ZSCAN5A: variants seen among roughly 807,000 people sequenced by gnomAD.
ZSCAN5A encodes zinc finger and SCAN domain containing 5A, also known as zinc finger and SCAN domain-containing protein 5A.
In ZSCAN5A, 12 loss-of-function variants were observed where a neutral mutation model predicts 23.7. That is an observed-to-expected ratio of 0.51 (90% CI 0.32 to 0.82). ZSCAN5A has a LOEUF of 0.82. Among genes scored for constraint, ZSCAN5A ranks in the 40% least tolerant of loss-of-function variants. The pLI is 0.03. For synonymous variants in ZSCAN5A, 257 were observed against 239.9 expected (o/e 1.07, Z -0.66); for missense variants, 597 against 617.9 (o/e 0.97, Z 0.36).
intron 2 of ZSCAN5A, among the ~76,000 whole-genome samples, chr19:56,299,246 C>T (rs1275187051): frequency 2.0e-5 from 3 of 151,928 alleles, no homozygotes; most frequent in African/African-American, 7.3e-5. Context: ...ATCCTCCCCT[C>T]TACAGCCTCT....
chr19:56,249,401 A>G (rs2036186983), intron 2 of ZSCAN5A, among the ~76,000 whole-genome samples: 1 of 152,114 alleles, frequency 6.6e-6, no homozygotes, highest in African/African-American at 2.4e-5. Context: ...CCTTCTGAGT[A>G]GCTGCAATTA....
At position 56,352,021 on chromosome 19, in the gene ZSCAN5A, C is replaced by T. The variant is rs1359029951; in HGVS notation, c.-358+11214G>A. Among the ~76,000 whole-genome samples the T allele has an allele frequency of 1.3e-5, 2 of 152,128 alleles. No homozygotes were observed. The highest frequency in any genetic ancestry group is 1.5e-5 in the Non-Finnish European group (1 of 68,036). ...GGGACCCGAAACTCAGGAAGGGATG[C>T]GGTGAAGATACTGATGGAGTGCCTT... On this transcript the variant is annotated intron_variant, in intron 2 of 6. Transcript: ENST00000587340. This position sits in a 1 kb window ranked among gnomAD's most constrained non-coding sequence, Gnocchi z 4.2.
At chr19:56,287,403 C>T (rs1487825703) in intron 2 of ZSCAN5A, among the ~76,000 whole-genome samples, 1 of 152,120 alleles carries the variant, frequency 6.6e-6, no homozygotes, top group East Asian at 1.9e-4. Flanking sequence ...CTTCCCTTCC[C>T]GCCTCTCCTC....
At chr19:56,266,650 T>C (rs1458931359) in intron 2 of ZSCAN5A, 1 of 152,110 alleles carries the variant, frequency 6.6e-6, no homozygotes, top group Non-Finnish European at 1.5e-5. Context: ...CGGCTAATTT[T>C]TTGTAATTTT....
chr19:56,307,224 C>A (rs1568734130), intron 2 of ZSCAN5A, among the ~76,000 whole-genome samples: 1 of 152,220 alleles, frequency 6.6e-6, no homozygotes, highest in Non-Finnish European at 1.5e-5. Flanking sequence ...TCTCCCACGT[C>A]GCCTGCCTTT....
At chr19:56,237,150 C>A (rs776083996) in intron 2 of ZSCAN5A, among the ~76,000 whole-genome samples, 1 of 152,254 alleles carries the variant, frequency 6.6e-6, no homozygotes, top group African/African-American at 2.4e-5. Context: ...TAAACCTGTG[C>A]TTTCCTTACT....
chr19:56,336,074 T>C (rs2041532929), intron 2 of ZSCAN5A, among the ~76,000 whole-genome samples: 1 of 152,260 alleles, frequency 6.6e-6, no homozygotes, highest in Non-Finnish European at 1.5e-5. Context: ...GGAGTTGCTC[T>C]TCTCAAGGAG....
chr19:56,294,021 T>G (rs902486489), intron 2 of ZSCAN5A, among the ~76,000 whole-genome samples: 1 of 152,220 alleles, frequency 6.6e-6, no homozygotes, highest in Non-Finnish European at 1.5e-5. Context: ...TCTGCCTTGC[T>G]CCTTTCGCTC....
chr19:56,277,574 G>C (rs1048353262), intron 2 of ZSCAN5A, among the ~76,000 whole-genome samples: 1 of 152,062 alleles, frequency 6.6e-6, no homozygotes, highest in South Asian at 2.1e-4. Flanking sequence ...AGGGGTTCAG[G>C]GTTTATTTTG....
At chr19:56,236,749 GC>G (rs1341761394) in intron 2 of ZSCAN5A, among the ~76,000 whole-genome samples, 1 of 141,926 alleles carries the variant, frequency 7.0e-6, no homozygotes, top group Admixed American at 6.9e-5. Context: ...TTGACCGTGG[GC>G]CAAGCCTCCA....
At chr19:56,303,005 G>A in intron 2 of ZSCAN5A, 1 of 397,094 alleles carries the variant, frequency 2.5e-6, no homozygotes, top group Non-Finnish European at 4.4e-6. Context: ...GGAGGCAGTG[G>A]CGCTTATCTC....
intron 2 of ZSCAN5A, among the ~76,000 whole-genome samples, chr19:56,329,084 C>A (rs2041465693): frequency 6.6e-6 from 1 of 151,974 alleles, no homozygotes; most frequent in Non-Finnish European, 1.5e-5. Context: ...CATGGTGGCT[C>A]ATACCTGTAA....
intron 2 of ZSCAN5A, among the ~76,000 whole-genome samples, chr19:56,300,153 A>G (rs535231545): frequency 3.3e-5 from 5 of 152,318 alleles, no homozygotes; most frequent in Admixed American, 2.0e-4. Context: ...ACCCAGGTAG[A>G]AGAGAAAGAA....
intron 2 of ZSCAN5A, among the ~76,000 whole-genome samples, chr19:56,344,632 A>C (rs2869160): frequency 1.3e-5 from 2 of 149,320 alleles, no homozygotes; most frequent in Non-Finnish European, 3.0e-5. Flanking sequence ...GGCCGGGCGC[A>C]GTGGCTCACG....
At chr19:56,328,182 A>G (rs908695208) in intron 2 of ZSCAN5A, among the ~76,000 whole-genome samples, 1 of 152,088 alleles carries the variant, frequency 6.6e-6, no homozygotes, top group African/African-American at 2.4e-5. Flanking sequence ...GTAGTTCATC[A>G]TTTTACTATG....
intron 2 of ZSCAN5A, among the ~76,000 whole-genome samples, chr19:56,354,323 T>C (rs1311800687): frequency 6.6e-6 from 1 of 152,016 alleles, no homozygotes; most frequent in Non-Finnish European, 1.5e-5. Flanking sequence ...ATTTTAAAAG[T>C]TGGTTTTTTA....
intron 2 of ZSCAN5A, among the ~76,000 whole-genome samples, chr19:56,275,665 C>T (rs1568681858): frequency 3.3e-5 from 5 of 152,180 alleles, no homozygotes; most frequent in Admixed American, 3.3e-4. Context: ...ACAGGCTAAG[C>T]TTGAAGCACC....
chr19:56,244,315 G>C (rs771459579), intron 2 of ZSCAN5A: 10 of 1,608,472 alleles, frequency 6.2e-6, no homozygotes, highest in Middle Eastern at 2.1e-4. Flanking sequence ...TGATGGAGCA[G>C]TTCATGATCT....
At chr19:56,262,873 G>T (rs775486475) in intron 2 of ZSCAN5A, among the ~76,000 whole-genome samples, 2 of 152,114 alleles carry the variant, frequency 1.3e-5, no homozygotes, top group African/African-American at 4.8e-5. Flanking sequence ...ATTGTTGACG[G>T]ACACTTGGAT....
Sources: gnomAD v4.1 joint callset for allele counts (sites outside exome capture counted in the v4.1 genomes callset) on GRCh38, gnomAD v4.1.1 for gene constraint, Gnocchi (gnomAD v3.1) non-coding constraint, MANE v1.5 for transcripts, NCBI Gene and HGNC (gene_info 2026-07-23, HGNC 2026-07-21) for gene names.